P2RY14: variants seen among roughly 807,000 people sequenced by gnomAD.
P2RY14 encodes the protein P2Y purinoceptor 14.
P2RY14 carries 2 observed loss-of-function variants against 0.9 expected under a neutral mutation model. The ratio of observed to expected loss-of-function variants is 2.16; its 90% CI spans 0.88 to 6.79. P2RY14 has a LOEUF of 6.79. P2RY14 is among the 30% of genes most tolerant of loss of function. P2RY14 has a pLI of 0.05. For missense variants in P2RY14, 378 were observed against 400.1 expected (o/e 0.94, Z 0.47); for synonymous variants, 158 against 147.2 (o/e 1.07, Z -0.53).
At chr3:151,214,451 A>C in intron 2 of P2RY14, 111 bp from the exon 3 acceptor site, 2 of 680,182 alleles carry the variant, frequency 2.9e-6, no homozygotes, top group Admixed American at 2.8e-5. Flanking sequence ...AAATTTTTGA[A>C]GCCACCTTTT....
Position 151,258,302 on chromosome 3 carries a change from C to G in P2RY14, c.-133+19985G>C, listed in dbSNP as rs188617918. Among the ~76,000 whole-genome samples the G allele has an allele frequency of 5.3e-5, 8 of 152,318 alleles. No homozygotes were observed. The East Asian group carries it at 1.2e-3, about 22-fold the overall frequency. ...AATATAATTTCACTAGTTCTTCCCA[C>G]TTTCTTTAATTCTGTTTGTTGTCTT... On this transcript the variant is annotated intron_variant, in intron 1 of 2. Transcript: ENST00000309170.
At position 151,213,323 on chromosome 3, in the gene P2RY14, G is replaced by A. The variant is rs1295786682; in HGVS notation, c.994C>T (p.Leu332Phe). 2 of 1,611,020 alleles carry A rather than the reference G, an allele frequency of 1.2e-6. No homozygotes were observed. The highest frequency in any genetic ancestry group is 2.2e-5 in the East Asian group (1 of 44,870). Residue 332 changes from leucine to phenylalanine, a missense_variant, in exon 3 of 3, where the codon CTT (leucine) becomes TTT (phenylalanine). Transcript: ENST00000309170. ...ISRIKRGNTT[L>F]ESTDTL is the part of the protein sequence containing the mutation. ...ACTCACAAAGTATCTGTGCTTTCAAGTGTTGTATTTCCTCTTTTGATTCTG... is the reference window on the plus strand; with the variant it reads ...ACTCACAAAGTATCTGTGCTTTCAAATGTTGTATTTCCTCTTTTGATTCTG...
At chr3:151,267,140 G>A (rs1007280210) in intron 1 of P2RY14, among the ~76,000 whole-genome samples, 2 of 152,182 alleles carry the variant, frequency 1.3e-5, no homozygotes, top group African/African-American at 4.8e-5. Context: ...TATTTTGACT[G>A]TTTACAGGAA....
At chr3:151,218,880 A>T (rs1318072998) in intron 2 of P2RY14, among the ~76,000 whole-genome samples, 1 of 89,534 alleles carries the variant, frequency 1.1e-5, no homozygotes, top group Non-Finnish European at 2.1e-5. Flanking sequence ...AAAAAAAAAA[A>T]AAAAAAAAAA....
At chr3:151,263,031 A>G (rs1260736873) in intron 1 of P2RY14, among the ~76,000 whole-genome samples, 1 of 152,138 alleles carries the variant, frequency 6.6e-6, no homozygotes, top group East Asian at 1.9e-4. Flanking sequence ...AAAACACTGC[A>G]ATGAATGACT....
intron 1 of P2RY14, 81 bp from the exon 2 acceptor site, chr3:151,219,723 T>G (rs774753546): frequency 6.6e-6 from 1 of 152,212 alleles, no homozygotes; most frequent in Non-Finnish European, 1.5e-5. Flanking sequence ...TACTTACTTC[T>G]TAAATTCAGC....
At chr3:151,243,111 C>G (rs944791803) in intron 1 of P2RY14, among the ~76,000 whole-genome samples, 9 of 151,904 alleles carry the variant, frequency 5.9e-5, no homozygotes, top group African/African-American at 2.2e-4. Flanking sequence ...AAATATGGGG[C>G]TGTGTGAAAA....
At chr3:151,244,896 A>G (rs1186302250) in intron 1 of P2RY14, among the ~76,000 whole-genome samples, 1 of 151,322 alleles carries the variant, frequency 6.6e-6, no homozygotes, top group Non-Finnish European at 1.5e-5. Context: ...AAAAAAAGAG[A>G]GAAGAATCTA....
chr3:151,268,576 T>C (rs1179612426), intron 1 of P2RY14, among the ~76,000 whole-genome samples: 1 of 152,258 alleles, frequency 6.6e-6, no homozygotes, highest in Non-Finnish European at 1.5e-5. Flanking sequence ...AAATTTTGCC[T>C]AATTTGTTTC....
chr3:151,234,706 A>G (rs1732367810), intron 1 of P2RY14, among the ~76,000 whole-genome samples: 1 of 152,212 alleles, frequency 6.6e-6, no homozygotes, highest in African/African-American at 2.4e-5. Flanking sequence ...CAGTTACTGT[A>G]ATATCCAACC....
intron 1 of P2RY14, among the ~76,000 whole-genome samples, chr3:151,249,410 G>A (rs985557548): frequency 6.6e-6 from 1 of 152,120 alleles, no homozygotes; most frequent in Non-Finnish European, 1.5e-5. Flanking sequence ...ACATCTGCAC[G>A]TTTCCTTCTT....
In P2RY14 at chr3:151,213,863, G is replaced by A. The variant is rs761285816; in HGVS notation, c.454C>T (p.Leu152Phe). ...GTGAGAATAATATTTGGAACAGCAA[G>A]GAGGAGCATGAGCATCCATACTATC... ...SVIVWMLMLL[L>F]AVPNIILTNQ... is the part of the protein sequence containing the mutation. Residue 152 changes from leucine to phenylalanine, a missense_variant, in exon 3 of 3, where the codon CTT becomes TTT. By Grantham distance (22) the Leu-to-Phe change is conservative (BLOSUM62 0). Transcript: ENST00000309170. The A allele has an allele frequency of 1.9e-6, 3 of 1,614,018 alleles. No homozygotes were observed. The Admixed American group carries it at 5.0e-5, about 27-fold the overall frequency.
chr3:151,271,227 C>G (rs543763787), intron 1 of P2RY14, among the ~76,000 whole-genome samples: 1 of 152,116 alleles, frequency 6.6e-6, no homozygotes, highest in Non-Finnish European at 1.5e-5. Context: ...ACAAATAATT[C>G]ACAAAGGAAG....
At chr3:151,230,672 G>A (rs571405626) in intron 1 of P2RY14, among the ~76,000 whole-genome samples, 1 of 151,120 alleles carries the variant, frequency 6.6e-6, no homozygotes, top group Non-Finnish European at 1.5e-5. Flanking sequence ...CTCTTTCTAA[G>A]GGCTACTTCC....
chr3:151,231,547 A>G (rs986927333), intron 1 of P2RY14, among the ~76,000 whole-genome samples: 17 of 152,230 alleles, frequency 1.1e-4, no homozygotes, highest in East Asian at 1.9e-4. Context: ...ACAAATTTAG[A>G]ATATGAAACA....
rs902166121 is a variant in P2RY14 at position 151,258,940 on chromosome 3, T to G, written c.-133+19347A>C. 2.5e-4 allele frequency among the ~76,000 whole-genome samples: 38 copies of G among 152,246 alleles called. 1 individual carries two copies. The highest frequency in any genetic ancestry group is 7.9e-4 in the African/African-American group (33 of 41,550). ...AGCTGTGGATTCAGGTTGTGTGTGCTGTTAGCCTCTGCAGGCTTCGCCTTT... is the reference window on the plus strand; with the variant it reads ...AGCTGTGGATTCAGGTTGTGTGTGCGGTTAGCCTCTGCAGGCTTCGCCTTT... On this transcript the variant is annotated intron_variant, in intron 1 of 2. Transcript: ENST00000309170.
intron 1 of P2RY14, among the ~76,000 whole-genome samples, chr3:151,258,241 A>G (rs553233137): frequency 6.6e-6 from 1 of 152,316 alleles, no homozygotes; most frequent in African/African-American, 2.4e-5. Context: ...CTCGGGCATA[A>G]TCAAGTACTC....
chr3:151,222,095 G>C (rs1729476079), intron 1 of P2RY14, among the ~76,000 whole-genome samples: 1 of 152,214 alleles, frequency 6.6e-6, no homozygotes, highest in Non-Finnish European at 1.5e-5. Context: ...CTGGATTTTG[G>C]ACTTGGATGG....
chr3:151,213,290 G>A lies in P2RY14; in HGVS notation c.*10C>T, dbSNP rs191787749. On this transcript the variant is annotated 3_prime_UTR_variant, in exon 3 of 3. Transcript: ENST00000309170. ...GCACACGTGGTCTTTCTTTGGAAGA[G>A]GGTAGGAACTCACAAAGTATCTGTG... The A allele has an allele frequency of 6.3e-7, 1 of 1,584,342 alleles. No homozygotes were observed. Among genetic ancestry groups the A allele is most frequent in the Admixed American group, 1.8e-5 (1 of 55,860 alleles).
Sources: gnomAD v4.1 joint callset for allele counts (sites outside exome capture counted in the v4.1 genomes callset) on GRCh38, gnomAD v4.1.1 for gene constraint, MANE v1.5 for transcripts, NCBI Gene and HGNC (gene_info 2026-07-23, HGNC 2026-07-21) for gene names.